The following USP22 variants were observed in gnomAD, a reference collection of about 807,000 sequenced individuals.
The protein encoded by USP22 is ubiquitin specific peptidase 22.
Under a neutral mutation model 68.1 loss-of-function variants are expected in USP22, and 22 were observed. The ratio of observed to expected loss-of-function variants is 0.32; its 90% CI spans 0.23 to 0.46. The LOEUF (loss-of-function observed/expected upper bound fraction) is 0.46. Among genes scored for constraint, USP22 ranks in the 20% least tolerant of loss-of-function variants. USP22 has a pLI of 1.00. For synonymous variants in USP22, 279 were observed against 274.2 expected (o/e 1.02, Z -0.17); for missense variants, 433 against 695.8 (o/e 0.62, Z 4.25).
intron 1 of USP22, among the ~76,000 whole-genome samples, chr17:21,035,134 T>C (rs1193488212): frequency 6.6e-6 from 1 of 152,162 alleles, no homozygotes; most frequent in Non-Finnish European, 1.5e-5. Context: ...TTCCTTTAAA[T>C]TGAGCTCACC....
intron 1 of USP22, among the ~76,000 whole-genome samples, chr17:21,041,395 C>G (rs1344316410): frequency 1.3e-5 from 2 of 151,758 alleles, no homozygotes; most frequent in Non-Finnish European, 1.5e-5. Flanking sequence ...ATCAGGAGTT[C>G]CAGACCAGCC....
chr17:21,021,067 T>C (rs1972150933), intron 3 of USP22, 46 bp downstream of exon 3: 1 of 1,469,946 alleles, frequency 6.8e-7, no homozygotes, highest in African/African-American at 1.4e-5. Flanking sequence ...TTGATGGACA[T>C]GAGGGAACTG....
At chr17:21,007,377 G>C (rs1913813133) in intron 9 of USP22, among the ~76,000 whole-genome samples, 1 of 152,192 alleles carries the variant, frequency 6.6e-6, no homozygotes, top group Non-Finnish European at 1.5e-5. Flanking sequence ...CAGCCAGCAA[G>C]CTAGGAATGG....
intron 3 of USP22, among the ~76,000 whole-genome samples, chr17:21,020,878 C>G (rs1972148449): frequency 6.6e-6 from 1 of 152,130 alleles, no homozygotes; most frequent in Admixed American, 6.5e-5. Flanking sequence ...AGGGAAGCAC[C>G]CTGGAAGTGG....
In USP22 at chr17:21,002,965, G is replaced by GGGA; in HGVS notation, c.*63_*65dup. On this transcript the variant is annotated 3_prime_UTR_variant, in exon 13 of 13. Coordinates refer to ENST00000261497, the MANE Select transcript of USP22 (RefSeq NM_015276.2). ...GGAGACTTGGGGGAGGGGGGGGCCA[G>GGGA]GGAGGATCACTTTGTGAGGCTTGCC... is the stretch of plus-strand genomic sequence containing the variant. 6.3e-7 allele frequency: 1 copy of GGGA among 1,595,594 alleles called. No individual in the cohort carries two copies. Among genetic ancestry groups the GGGA allele is most frequent in the Non-Finnish European group, 8.6e-7 (1 of 1,166,238 alleles).
At position 21,004,786 on chromosome 17, in the gene USP22, GCCAATA is replaced by G; in HGVS notation, c.1385+136_1385+141del. The G allele has an allele frequency of 9.3e-5, 8 of 86,190 alleles. 2 individuals carry two copies. Among genetic ancestry groups the G allele is most frequent in the South Asian group, 9.8e-4 (2 of 2,046 alleles). The allele number at this position is 86,190 out of a possible 1,614,324, so 5.3% of individuals were successfully genotyped here. A position where few individuals can be genotyped will look rare whatever the true frequency, so the allele number is the denominator to read the frequency against. ...GCCTTTCCTAGTGGAGCTGCGGGCA[GCCAATA>G]GTGGAGCTGCGGGCAGCCAAGCGGG... is the stretch of plus-strand genomic sequence containing the variant. On this transcript the variant is annotated intron_variant, in intron 11 of 12. Transcript: ENST00000261497.
intron 12 of USP22, among the ~76,000 whole-genome samples, chr17:21,003,463 A>AGGGCTTGGC (rs1459213990): frequency 1.3e-5 from 2 of 152,174 alleles, no homozygotes; most frequent in African/African-American, 4.8e-5. Flanking sequence ...ACCTCTCAAG[A>AGGGCTTGGC]GGGCTTGGCT....
At chr17:21,008,611 G>A (rs1403572181) in intron 8 of USP22, among the ~76,000 whole-genome samples, 1 of 152,196 alleles carries the variant, frequency 6.6e-6, no homozygotes, top group Non-Finnish European at 1.5e-5. Flanking sequence ...TACAGAGTGG[G>A]TGGTGAGGGA....
At chr17:21,012,093 G>A (rs1240791454) in intron 7 of USP22, among the ~76,000 whole-genome samples, 2 of 151,936 alleles carry the variant, frequency 1.3e-5, no homozygotes, top group South Asian at 2.1e-4. Context: ...AAATAATTTC[G>A]GTGGATCATG....
At chr17:21,042,539 G>T in intron 1 of USP22, 126 bp downstream of exon 1, 1 of 920,150 alleles carries the variant, frequency 1.1e-6, no homozygotes, top group Non-Finnish European at 1.4e-6. Flanking sequence ...GAAGGAGAGA[G>T]GAAGAGGAAG....
chr17:21,037,864 T>G (rs1191540435), intron 1 of USP22, among the ~76,000 whole-genome samples: 1 of 152,206 alleles, frequency 6.6e-6, no homozygotes, highest in African/African-American at 2.4e-5. Context: ...TGGTGGTAAT[T>G]GTACTCCATT....
At chr17:21,007,847 A>G (rs774975772) in intron 9 of USP22, 23 bp downstream of exon 9, 4 of 1,613,974 alleles carry the variant, frequency 2.5e-6, no homozygotes, top group Non-Finnish European at 8.5e-7. Flanking sequence ...CTGCCATTAG[A>G]GTTGGCTTTC....
rs373299898 is a variant in USP22, at chr17:21,042,836, G to A, written c.-1C>T. 4.0e-4 allele frequency: 530 copies of A among 1,340,006 alleles called. 3 individuals are homozygous for A. In the African/African-American group the frequency reaches 6.8e-3, roughly 17 times the overall value. 83.0% of individuals were successfully genotyped at this position (1,340,006 alleles called of 1,614,324 possible). ...CCTCGGGCTCTGGCCGGGACACCAT[G>A]GGGGGCAAGGCCCGGCCGCGCGCGG... On this transcript the variant is annotated 5_prime_UTR_variant, in exon 1 of 13. Transcript: ENST00000261497.
At chr17:21,042,440 G>A (rs1205361995) in intron 1 of USP22, among the ~76,000 whole-genome samples, 5 of 140,104 alleles carry the variant, frequency 3.6e-5, no homozygotes, top group Non-Finnish European at 6.0e-5. Flanking sequence ...GGGGGAGAGG[G>A]GAAGGATAGG....
chr17:21,028,485 CAA>C, intron 2 of USP22, 55 bp downstream of exon 2: 1 of 1,592,454 alleles, frequency 6.3e-7, no homozygotes, highest in Non-Finnish European at 8.6e-7. Flanking sequence ...ATCAAAAAAT[CAA>C]AGAGTAGCAA....
intron 1 of USP22, 104 bp downstream of exon 1, chr17:21,042,561 G>A (rs1972452963): frequency 1.7e-6 from 2 of 1,156,640 alleles, no homozygotes; most frequent in East Asian, 3.2e-5. Flanking sequence ...ACAGGGAAAG[G>A]CAACGGGGGA....
intron 2 of USP22, among the ~76,000 whole-genome samples, chr17:21,022,003 G>T (rs369871393): frequency 6.6e-6 from 1 of 152,148 alleles, no homozygotes; most frequent in Non-Finnish European, 1.5e-5. Context: ...GGGGAGCTGA[G>T]GCGTGAGAAC....
intron 1 of USP22, among the ~76,000 whole-genome samples, chr17:21,040,775 T>G (rs1170816064): frequency 6.6e-6 from 1 of 152,016 alleles, no homozygotes; most frequent in Admixed American, 6.6e-5. Context: ...CGGTCCCCAC[T>G]TCATCCAAAG....
intron 1 of USP22, chr17:21,042,131 T>C (rs933062951): frequency 6.6e-6 from 1 of 152,346 alleles, no homozygotes; most frequent in Non-Finnish European, 1.5e-5. Context: ...CAGCCCCCCA[T>C]CCTTTACTCA....
Sources: gnomAD v4.1 joint callset for allele counts (sites outside exome capture counted in the v4.1 genomes callset) on GRCh38, gnomAD v4.1.1 for gene constraint, MANE v1.5 for transcripts, NCBI Gene and HGNC (gene_info 2026-07-23, HGNC 2026-07-21) for gene names.